Variants in BABAM2 observed in about 807,000 individuals in gnomAD.
The protein encoded by BABAM2 is BRISC and BRCA1 A complex member 2.
Under a neutral mutation model 54.7 loss-of-function variants are expected in BABAM2, and 31 were observed. That is an observed-to-expected ratio of 0.57 (90% CI 0.43 to 0.77). The LOEUF is 0.77. Among genes scored for constraint, BABAM2 ranks in the 30% least tolerant of loss-of-function variants. BABAM2 has a pLI of 0.00. For missense variants in BABAM2, 364 were observed against 455.8 expected (o/e 0.80, Z 1.83); for synonymous variants, 167 against 162.9 (o/e 1.03, Z -0.19).
chr2:28,206,304 A>G (rs1190831742), intron 7 of BABAM2, among the ~76,000 whole-genome samples: 3 of 152,148 alleles, frequency 2.0e-5, no homozygotes, highest in Non-Finnish European at 2.9e-5. Flanking sequence ...GGGAACCTGA[A>G]TGCCAGCCTG....
At chr2:28,292,963 A>G (rs1687410377) in intron 10 of BABAM2, among the ~76,000 whole-genome samples, 1 of 152,168 alleles carries the variant, frequency 6.6e-6, no homozygotes, top group African/African-American at 2.4e-5. Flanking sequence ...CACTTACTAT[A>G]TGGTGATAGC....
intron 10 of BABAM2, among the ~76,000 whole-genome samples, chr2:28,249,080 T>C (rs1683178695): frequency 6.6e-6 from 1 of 151,222 alleles, no homozygotes; most frequent in Non-Finnish European, 1.5e-5. Flanking sequence ...TGTTTGTTTG[T>C]TTGCTTGTTT....
At chr2:28,226,712 C>T (rs77564779) in intron 7 of BABAM2, among the ~76,000 whole-genome samples, 1 of 152,154 alleles carries the variant, frequency 6.6e-6, no homozygotes, top group Non-Finnish European at 1.5e-5. Context: ...AAGCCCGCCC[C>T]GCAAATGGCT....
chr2:27,970,434 A>G (rs1671126245), intron 3 of BABAM2, among the ~76,000 whole-genome samples: 1 of 152,202 alleles, frequency 6.6e-6, no homozygotes, highest in Non-Finnish European at 1.5e-5. Context: ...CATGTTTTAG[A>G]AGTCTCTCTC....
chr2:28,006,582 G>A (rs578176513), intron 4 of BABAM2, among the ~76,000 whole-genome samples: 2 of 152,112 alleles, frequency 1.3e-5, no homozygotes, highest in South Asian at 2.1e-4. Context: ...AGGACAGGTA[G>A]CCTATTCACC....
intron 5 of BABAM2, among the ~76,000 whole-genome samples, chr2:28,043,892 C>T (rs1382580362): frequency 6.6e-6 from 1 of 152,164 alleles, no homozygotes; most frequent in Non-Finnish European, 1.5e-5. Flanking sequence ...TAATGGCGTT[C>T]AATACTGAGA....
chr2:28,072,087 C>G (rs1664195635), intron 6 of BABAM2, among the ~76,000 whole-genome samples: 1 of 152,262 alleles, frequency 6.6e-6, no homozygotes, highest in South Asian at 2.1e-4. Flanking sequence ...GTGGCACTAT[C>G]ATAACTCACT....
intron 10 of BABAM2, among the ~76,000 whole-genome samples, chr2:28,259,307 C>T (rs1301649552): frequency 6.6e-6 from 1 of 151,678 alleles, no homozygotes; most frequent in Admixed American, 6.6e-5. Context: ...AGGATGGTCT[C>T]CATCTCCTGA....
intron 5 of BABAM2, among the ~76,000 whole-genome samples, chr2:28,045,027 C>G (rs1405558078): frequency 6.6e-6 from 1 of 151,834 alleles, no homozygotes; most frequent in South Asian, 2.1e-4. Context: ...CCTAGGCTTT[C>G]CTGTCATAAA....
At chr2:28,183,291 A>T (rs1675840647) in intron 7 of BABAM2, among the ~76,000 whole-genome samples, 1 of 152,114 alleles carries the variant, frequency 6.6e-6, no homozygotes, top group East Asian at 1.9e-4. Context: ...ATACAAAAAA[A>T]TTAGCTGGGC....
At chr2:28,196,164 A>G (rs1475221817) in intron 7 of BABAM2, among the ~76,000 whole-genome samples, 1 of 151,934 alleles carries the variant, frequency 6.6e-6, no homozygotes, top group East Asian at 1.9e-4. Context: ...CGTCTCTACT[A>G]AAAATACAAA....
At chr2:28,081,624 G>C (rs1318403183) in intron 6 of BABAM2, among the ~76,000 whole-genome samples, 1 of 152,114 alleles carries the variant, frequency 6.6e-6, no homozygotes, top group Non-Finnish European at 1.5e-5. Flanking sequence ...TTCACACTGG[G>C]CCCTTCTCAG....
At chr2:27,971,534 G>A (rs925233570) in intron 3 of BABAM2, among the ~76,000 whole-genome samples, 2 of 151,848 alleles carry the variant, frequency 1.3e-5, no homozygotes, top group Non-Finnish European at 2.9e-5. Context: ...TATTCTGTAT[G>A]TTTAAACCAA....
At chr2:28,229,202 G>A (rs1681152007) in intron 7 of BABAM2, among the ~76,000 whole-genome samples, 1 of 152,214 alleles carries the variant, frequency 6.6e-6, no homozygotes. Context: ...AGTCACAAAA[G>A]TGATAACCAG....
intron 2 of BABAM2, among the ~76,000 whole-genome samples, chr2:27,915,967 A>AT (rs950030752): frequency 1.3e-5 from 2 of 151,884 alleles, no homozygotes; most frequent in African/African-American, 2.4e-5. Context: ...ATTCAAATTT[A>AT]TTTTTTTAGA....
intron 7 of BABAM2, among the ~76,000 whole-genome samples, chr2:28,142,362 T>C (rs1287331754): frequency 2.0e-5 from 3 of 152,206 alleles, no homozygotes; most frequent in Admixed American, 6.5e-5. Flanking sequence ...ACATTCTCTT[T>C]TATAGACAGC....
At chr2:28,085,069 T>C (rs559893290) in intron 6 of BABAM2, among the ~76,000 whole-genome samples, 138 of 152,324 alleles carry the variant, frequency 9.1e-4, no homozygotes, top group African/African-American at 3.2e-3. Context: ...TCCAGTTTTA[T>C]ACTTTTTAAC....
chr2:28,170,046 A>C (rs1054325128), intron 7 of BABAM2, among the ~76,000 whole-genome samples: 1 of 152,154 alleles, frequency 6.6e-6, no homozygotes, highest in Admixed American at 6.5e-5. Flanking sequence ...TCAGACAATA[A>C]ATTTTTAATT....
Position 27,929,924 on chromosome 2 carries a change from C to T in BABAM2, c.205+16C>T. On this transcript the variant is annotated intron_variant, in intron 3 of 11. Transcript: ENST00000379624. ...ACATTAAAGTGTAAGTAAATGATGA[C>T]TATTTTACTCAAAATGTAGGTTACA... 1.3e-6 allele frequency: 2 copies of T among 1,593,142 alleles called. No homozygotes were observed. Among genetic ancestry groups the T allele is most frequent in the South Asian group, 1.1e-5 (1 of 90,148 alleles).
Sources: allele counts gnomAD v4.1 joint callset (sites outside exome capture counted in the v4.1 genomes callset), GRCh38; gene constraint gnomAD v4.1.1; transcripts MANE v1.5; gene names NCBI Gene and HGNC (gene_info 2026-07-23, HGNC 2026-07-21).